Variants in ATRNL1 observed in about 807,000 individuals in gnomAD.
The protein encoded by ATRNL1 is attractin-like protein 1.
Under a neutral mutation model 182.7 loss-of-function variants are expected in ATRNL1, and 95 were observed. The observed-to-expected ratio is 0.52, with a 90% CI of 0.44 to 0.62. The LOEUF (loss-of-function observed/expected upper bound fraction) is 0.62, where lower values mean the gene tolerates loss of function less well. Ranked by LOEUF, ATRNL1 falls within the 20% of genes least tolerant of loss-of-function variation. The pLI is 0.00. For synonymous variants in ATRNL1, 576 were observed against 568.3 expected (o/e 1.01, Z -0.19); for missense variants, 1,471 against 1,679.5 (o/e 0.88, Z 2.17).
intron 28 of ATRNL1, among the ~76,000 whole-genome samples, chr10:115,915,303 C>A (rs1457561166): frequency 6.6e-6 from 1 of 151,812 alleles, no homozygotes; most frequent in East Asian, 1.9e-4. Flanking sequence ...GAGGCTGAGG[C>A]AGGAGAATGG....
intron 20 of ATRNL1, among the ~76,000 whole-genome samples, chr10:115,411,032 G>T (rs1845113941): frequency 6.6e-6 from 1 of 151,980 alleles, no homozygotes; most frequent in Non-Finnish European, 1.5e-5. Flanking sequence ...CATCATGCTT[G>T]GCCTACCCCT....
In ATRNL1 at chr10:115,133,731, C is replaced by T. The variant is rs376844652; in HGVS notation, c.829+4196C>T. Among the ~76,000 whole-genome samples, 25 of 152,300 alleles carry T rather than the reference C, an allele frequency of 1.6e-4. No individual in the cohort carries two copies. The East Asian group carries it at 4.1e-3, about 25-fold the overall frequency. On this transcript the variant is annotated intron_variant, in intron 5 of 28. Transcript: ENST00000355044. ...ATCTACAGAACTCTCCACCCCAATTCGACAGAAGATACATTCTTCTCAGCA... is the reference window on the plus strand; with the variant it reads ...ATCTACAGAACTCTCCACCCCAATTTGACAGAAGATACATTCTTCTCAGCA...
intron 5 of ATRNL1, among the ~76,000 whole-genome samples, chr10:115,136,034 G>GA (rs879976330): frequency 7.0e-6 from 1 of 143,062 alleles, no homozygotes; most frequent in Admixed American, 7.0e-5. Flanking sequence ...TAATTAAATT[G>GA]TTTTTTTTTT....
intron 26 of ATRNL1, among the ~76,000 whole-genome samples, chr10:115,576,767 GT>G (rs1392445595): frequency 9.2e-5 from 14 of 151,870 alleles, no homozygotes; most frequent in Non-Finnish European, 1.6e-4. Context: ...TTTTGGTTTT[GT>G]TGCCTGAGCT....
At chr10:115,720,060 G>A (rs965154274) in intron 26 of ATRNL1, among the ~76,000 whole-genome samples, 17 of 151,874 alleles carry the variant, frequency 1.1e-4, no homozygotes, top group Non-Finnish European at 8.8e-5. Flanking sequence ...ACAGAGTTTC[G>A]TCATGTTGGC....
intron 24 of ATRNL1, among the ~76,000 whole-genome samples, chr10:115,484,742 CAG>C (rs1417113319): frequency 1.3e-5 from 2 of 151,826 alleles, no homozygotes; most frequent in Non-Finnish European, 2.9e-5. Context: ...AAATTTCTCT[CAG>C]AGTTAACCAT....
In ATRNL1 at chr10:115,389,552, A is replaced by G. The variant is rs1323378728; in HGVS notation, c.3176-5107A>G. Among the ~76,000 whole-genome samples, 187 of 66,714 alleles carry G rather than the reference A, an allele frequency of 2.8e-3. 14 individuals carry two copies. The highest frequency in any genetic ancestry group is 7.3e-3 in the African/African-American group (142 of 19,502). The allele number at this position is 66,714 out of a possible 152,430, so 43.8% of individuals were successfully genotyped here. A position where few individuals can be genotyped will look rare whatever the true frequency, so the allele number is the denominator to read the frequency against. ...CAAATGTGTATGTGTATATATATAT[A>G]TATATATATATATATATATATATAT... On this transcript the variant is annotated intron_variant, in intron 19 of 28. Transcript: ENST00000355044.
At chr10:115,846,303 C>A (rs373335157) in intron 27 of ATRNL1, among the ~76,000 whole-genome samples, 2 of 151,878 alleles carry the variant, frequency 1.3e-5, no homozygotes, top group African/African-American at 4.8e-5. Context: ...AAGGAGAAAT[C>A]CTTTATAACC....
At chr10:115,845,981 T>C (rs1366096213) in intron 27 of ATRNL1, among the ~76,000 whole-genome samples, 1 of 152,104 alleles carries the variant, frequency 6.6e-6, no homozygotes, top group Non-Finnish European at 1.5e-5. Context: ...CATAGTATTT[T>C]TCTTTTAGCT....
Position 115,559,454 on chromosome 10 carries a change from A to ACGCGCG in ATRNL1, c.3795+9921_3795+9922insGCGCGC, listed in dbSNP as rs71010027. ...TGTGTGTGTGTGTGTGCGCGCGCGC[A>ACGCGCG]CGCACGCACATGCGCAACCCTTCTT... On this transcript the variant is annotated intron_variant, in intron 26 of 28. Transcript: ENST00000355044. Among the ~76,000 whole-genome samples, 265 of 135,380 alleles carry ACGCGCG rather than the reference A, an allele frequency of 2.0e-3. 1 individual carries two copies. Among genetic ancestry groups the ACGCGCG allele is most frequent in the South Asian group, 8.7e-3 (36 of 4,156 alleles). 88.8% of individuals were successfully genotyped at this position (135,380 alleles called of 152,430 possible).
intron 25 of ATRNL1, among the ~76,000 whole-genome samples, chr10:115,548,533 A>G (rs1308489422): frequency 6.6e-6 from 1 of 152,210 alleles, no homozygotes; most frequent in Non-Finnish European, 1.5e-5. Flanking sequence ...GTCTTCTCAT[A>G]GCATAATCTA....
intron 28 of ATRNL1, among the ~76,000 whole-genome samples, chr10:115,940,564 T>A (rs1476870161): frequency 2.0e-5 from 3 of 152,002 alleles, no homozygotes; most frequent in African/African-American, 7.2e-5. Flanking sequence ...ACGGGGGAGG[T>A]AATACAGTCT....
At chr10:115,804,602 C>T (rs1310984315) in intron 27 of ATRNL1, among the ~76,000 whole-genome samples, 3 of 152,108 alleles carry the variant, frequency 2.0e-5, no homozygotes, top group Non-Finnish European at 4.4e-5. Flanking sequence ...GAAAAATAAA[C>T]GTTTGTTGTT....
At chr10:115,476,442 T>C in intron 24 of ATRNL1, among the ~76,000 whole-genome samples, 1 of 151,410 alleles carries the variant, frequency 6.6e-6, no homozygotes, top group African/African-American at 2.4e-5. Context: ...AGATTATTGC[T>C]GATTTTCTTT....
At chr10:115,216,998 C>G (rs1445594007) in intron 9 of ATRNL1, among the ~76,000 whole-genome samples, 2 of 151,934 alleles carry the variant, frequency 1.3e-5, no homozygotes, top group Non-Finnish European at 2.9e-5. Context: ...AAATTTTTCT[C>G]TGACATTTTG....
chr10:115,667,484 A>G lies in ATRNL1; in HGVS notation c.3796-59764A>G, dbSNP rs186364284. On this transcript the variant is annotated intron_variant, in intron 26 of 28. Transcript: ENST00000355044. ...ACCTGTCTGGCATCTCAGTTGGAGT[A>G]GCTAGAACAGCTCAGGGTGGCTGAT... 1.1e-3 allele frequency among the ~76,000 whole-genome samples: 163 copies of G among 152,242 alleles called. 1 individual carries two copies. The highest frequency in any genetic ancestry group is 1.9e-3 in the Non-Finnish European group (131 of 68,020).
Position 115,693,674 on chromosome 10 carries a change from C to T in ATRNL1, c.3796-33574C>T, listed in dbSNP as rs1418250648. Among the ~76,000 whole-genome samples the T allele has an allele frequency of 3.9e-5, 6 of 152,104 alleles. No homozygotes were observed. The South Asian group carries it at 6.2e-4, about 16-fold the overall frequency. ...GCTATACGGTATGGCCTATTGCTCTCGGGCTACAAACCTGTGTTGTATGTT... is the reference window on the plus strand; with the variant it reads ...GCTATACGGTATGGCCTATTGCTCTTGGGCTACAAACCTGTGTTGTATGTT... On this transcript the variant is annotated intron_variant, in intron 26 of 28. Coordinates refer to ENST00000355044, the MANE Select transcript of ATRNL1 (RefSeq NM_207303.4).
chr10:115,660,922 T>A (rs1860643487), intron 26 of ATRNL1, among the ~76,000 whole-genome samples: 1 of 152,072 alleles, frequency 6.6e-6, no homozygotes, highest in Admixed American at 6.6e-5. Flanking sequence ...GTTTAAATGC[T>A]GATGGAGACA....
intron 24 of ATRNL1, among the ~76,000 whole-genome samples, chr10:115,482,321 T>G (rs1258460350): frequency 4.0e-5 from 6 of 151,008 alleles, no homozygotes; most frequent in African/African-American, 1.2e-4. Context: ...AATTTAGAAT[T>G]TTTACTAATG....
Sources: allele counts gnomAD v4.1 joint callset (sites outside exome capture counted in the v4.1 genomes callset), GRCh38; gene constraint gnomAD v4.1.1; transcripts MANE v1.5; gene names NCBI Gene and HGNC (gene_info 2026-07-23, HGNC 2026-07-21).